Variants in SLCO5A1 observed in about 807,000 individuals in gnomAD.
SLCO5A1 encodes the protein organic anion transporter polypeptide-related protein 4.
SLCO5A1 carries 39 observed loss-of-function variants against 65.1 expected under a neutral mutation model. The observed-to-expected ratio is 0.60, with a 90% CI of 0.46 to 0.78. The LOEUF (loss-of-function observed/expected upper bound fraction) is 0.78, where lower values mean the gene tolerates loss of function less well. Ranked by LOEUF, SLCO5A1 falls within the 30% of genes least tolerant of loss-of-function variation. The pLI, the probability that SLCO5A1 is intolerant of heterozygous loss-of-function variation, is 0.00. For missense variants in SLCO5A1, 1,029 were observed against 1,069.4 expected, an observed-to-expected ratio of 0.96 and a Z score of 0.53; for synonymous variants, 438 against 415.7, an observed-to-expected ratio of 1.05 and a Z score of -0.65.
At chr8:69,750,000 T>TA (rs1404107529) in intron 4 of SLCO5A1, among the ~76,000 whole-genome samples, 26 of 152,262 alleles carry the variant, frequency 1.7e-4, no homozygotes, top group Admixed American at 7.2e-4. Flanking sequence ...GTGGCAAGTG[T>TA]AAAAGTCCTG....
At chr8:69,770,678 A>G (rs1818285422) in intron 2 of SLCO5A1, among the ~76,000 whole-genome samples, 1 of 152,132 alleles carries the variant, frequency 6.6e-6, no homozygotes, top group Non-Finnish European at 1.5e-5. Flanking sequence ...GGCCTTGGAC[A>G]TCACAGCTGC....
intron 7 of SLCO5A1, among the ~76,000 whole-genome samples, chr8:69,681,462 A>T (rs1258011875): frequency 6.6e-6 from 1 of 152,130 alleles, no homozygotes; most frequent in Non-Finnish European, 1.5e-5. Context: ...GCATGGTGGC[A>T]CATGCCTATA....
intron 4 of SLCO5A1, among the ~76,000 whole-genome samples, 156 bp downstream of exon 4, chr8:69,755,268 A>G (rs566893640): frequency 1.3e-5 from 2 of 152,310 alleles, no homozygotes; most frequent in South Asian, 4.1e-4. Flanking sequence ...CAAAAAAATT[A>G]CTCTGTCAAG....
At chr8:69,735,628 T>C (rs1467648404) in intron 5 of SLCO5A1, among the ~76,000 whole-genome samples, 1 of 152,044 alleles carries the variant, frequency 6.6e-6, no homozygotes, top group Non-Finnish European at 1.5e-5. Context: ...TAAGAACACA[T>C]AGATACATGG....
intron 5 of SLCO5A1, among the ~76,000 whole-genome samples, chr8:69,707,540 C>A (rs190537133): frequency 6.6e-6 from 1 of 152,052 alleles, no homozygotes; most frequent in African/African-American, 2.4e-5. Context: ...AAACAGAGAC[C>A]ATGAAAGACC....
At position 69,832,569 on chromosome 8, in the gene SLCO5A1, A is replaced by T. The variant is rs775009424; in HGVS notation, c.105T>A (p.Ser35=). 1 of 1,612,718 alleles carries T rather than the reference A, an allele frequency of 6.2e-7. No individual in the cohort carries two copies. The highest frequency in any genetic ancestry group is 1.1e-5 in the South Asian group (1 of 90,890). ...QERCEPETLR[S]KSLPVLSSAS... ...CGCTGCTGAGGACCGGTAAACTCTT[A>T]GACCTGAGGGTCTCCGGCTCGCACC... The change falls in exon 2 of 10, where the codon TCT becomes TCA. Residue 35 remains serine, a synonymous_variant. Coordinates refer to ENST00000260126, the MANE Select transcript of SLCO5A1 (RefSeq NM_030958.3). This position sits in a 1 kb window ranked among gnomAD's most constrained non-coding sequence, Gnocchi z 4.5.
At chr8:69,687,811 TTATGTTAA>T (rs913146213) in intron 6 of SLCO5A1, among the ~76,000 whole-genome samples, 4 of 151,688 alleles carry the variant, frequency 2.6e-5, no homozygotes, top group African/African-American at 9.7e-5. Context: ...CATTATATTG[TTATGTTAA>T]TATGTTAATA....
intron 5 of SLCO5A1, among the ~76,000 whole-genome samples, chr8:69,707,423 C>T (rs1815019841): frequency 6.6e-6 from 1 of 152,052 alleles, no homozygotes; most frequent in Non-Finnish European, 1.5e-5. Context: ...AAAATACATG[C>T]ACAGAGGCAT....
chr8:69,786,553 T>C (rs1330087260), intron 2 of SLCO5A1, among the ~76,000 whole-genome samples: 2 of 152,230 alleles, frequency 1.3e-5, no homozygotes, highest in Admixed American at 1.3e-4. Flanking sequence ...CTAATGGAGT[T>C]TGGGTAATAC....
At chr8:69,693,458 C>G (rs1814361604) in intron 6 of SLCO5A1, among the ~76,000 whole-genome samples, 1 of 152,170 alleles carries the variant, frequency 6.6e-6, no homozygotes, top group African/African-American at 2.4e-5. Context: ...AAACCTGAAG[C>G]CCTTCACATA....
intron 5 of SLCO5A1, among the ~76,000 whole-genome samples, chr8:69,732,985 C>T (rs752063129): frequency 5.9e-5 from 9 of 151,878 alleles, no homozygotes; most frequent in Middle Eastern, 3.2e-3. Flanking sequence ...CAGCAAGTTA[C>T]TTAAACCCTT....
rs183957445 is a variant in SLCO5A1 at position 69,778,630 on chromosome 8, T to C, written c.908-16755A>G. Reference sequence around the variant, plus strand: ...AAAATAAGCAAAAAAATTAAACATATCTTTGGGAATTAGTAGTAGCTTTAT... The same window carrying C: ...AAAATAAGCAAAAAAATTAAACATACCTTTGGGAATTAGTAGTAGCTTTAT... On this transcript the variant is annotated intron_variant, in intron 2 of 9. Transcript: ENST00000260126. Among the ~76,000 whole-genome samples, 140 of 152,338 alleles carry C rather than the reference T, an allele frequency of 9.2e-4. 1 individual carries two copies. Among genetic ancestry groups the C allele is most frequent in the African/African-American group, 3.2e-3 (135 of 41,574 alleles).
chr8:69,669,643 T>A lies in SLCO5A1; in HGVS notation c.*3226A>T, dbSNP rs1252769188. Reference sequence around the variant, plus strand: ...CAGCCTGGCCAACATGGTGAAACCCTCTCTCTACTAAAAATAGAAAAAAAA... The same window carrying A: ...CAGCCTGGCCAACATGGTGAAACCCACTCTCTACTAAAAATAGAAAAAAAA... On this transcript the variant is annotated 3_prime_UTR_variant, in exon 10 of 10. Coordinates refer to ENST00000260126, the MANE Select transcript of SLCO5A1 (RefSeq NM_030958.3). The A allele has an allele frequency of 6.6e-6, 1 of 151,944 alleles. No individual in the cohort carries two copies. The highest frequency in any genetic ancestry group is 1.5e-5 in the Non-Finnish European group (1 of 68,004). The allele number at this position is 151,944 out of a possible 1,614,324, so 9.4% of individuals were successfully genotyped here.
intron 5 of SLCO5A1, among the ~76,000 whole-genome samples, chr8:69,736,502 C>G (rs1294220623): frequency 6.6e-6 from 1 of 152,164 alleles, no homozygotes; most frequent in Non-Finnish European, 1.5e-5. Context: ...GCTCTGCTCC[C>G]TAGTCTGGCT....
At chr8:69,803,290 A>G (rs559128634) in intron 2 of SLCO5A1, among the ~76,000 whole-genome samples, 1 of 152,132 alleles carries the variant, frequency 6.6e-6, no homozygotes, top group Non-Finnish European at 1.5e-5. Context: ...GGTGGCATAC[A>G]CTTGCAATCC....
chr8:69,826,342 T>C (rs1205787551), intron 2 of SLCO5A1, among the ~76,000 whole-genome samples: 23 of 150,608 alleles, frequency 1.5e-4, no homozygotes, highest in East Asian at 5.9e-4. Context: ...AGTGAACAGG[T>C]AACCTACAAA....
Position 69,831,823 on chromosome 8 carries a change from A to G in SLCO5A1, c.851T>C (p.Leu284Pro). 1 of 1,614,196 alleles carries G rather than the reference A, an allele frequency of 6.2e-7. No homozygotes were observed. Among genetic ancestry groups the G allele is most frequent in the Non-Finnish European group, 8.5e-7 (1 of 1,180,036 alleles). Residue 284 changes from leucine to proline, a missense_variant, in exon 2 of 10, where the codon CTG becomes CCG. By Grantham distance (98) the Leu-to-Pro change is moderately conservative. Around this residue, in one of 3 missense-constraint regions of SLCO5A1, gnomAD observed 647 missense variants for 647.5 expected, o/e 1.00. Coordinates refer to ENST00000260126, the MANE Select transcript of SLCO5A1 (RefSeq NM_030958.3). ...IGMGSTPIYT[L>P]GPTYLDDNVK... ...ATTGTCATCTAAGTAGGTTGGTCCCAGGGTATAAATAGGTGTGGAGCCCAT... is the reference window on the plus strand; with the variant it reads ...ATTGTCATCTAAGTAGGTTGGTCCCGGGGTATAAATAGGTGTGGAGCCCAT...
At chr8:69,831,676 A>T in intron 2 of SLCO5A1, 91 bp downstream of exon 2, 1 of 1,345,650 alleles carries the variant, frequency 7.4e-7, no homozygotes, top group Non-Finnish European at 1.0e-6. Context: ...TATACATGAA[A>T]ATGTGAAAGA....
At chr8:69,744,838 A>G (rs1156545896) in intron 4 of SLCO5A1, among the ~76,000 whole-genome samples, 1 of 152,220 alleles carries the variant, frequency 6.6e-6, no homozygotes, top group Non-Finnish European at 1.5e-5. Context: ...AAGTCATAAG[A>G]TGAAAGGTGG....
Sources: gnomAD v4.1 joint callset for allele counts (sites outside exome capture counted in the v4.1 genomes callset) on GRCh38, gnomAD v4.1.1 for gene constraint, gnomAD v4.1.1 regional missense constraint, Gnocchi (gnomAD v3.1) non-coding constraint, MANE v1.5 for transcripts, NCBI Gene and HGNC (gene_info 2026-07-23, HGNC 2026-07-21) for gene names.